Variants in PLCL1 observed in about 807,000 individuals in gnomAD.
PLCL1 encodes phospholipase C like 1 (inactive).
A neutral mutation model predicts 84.4 loss-of-function variants in PLCL1; 41 were observed. The observed-to-expected ratio is 0.49, with a 90% CI of 0.38 to 0.63. PLCL1 has a LOEUF of 0.63. Among genes scored for constraint, PLCL1 ranks in the 30% least tolerant of loss-of-function variants. The probability of loss-of-function intolerance (pLI) is 0.00; values close to 1 mark genes in which losing one functional copy is unlikely to be tolerated. For missense variants in PLCL1, 1,206 were observed against 1,367.8 expected (o/e 0.88, Z 1.87); for synonymous variants, 490 against 488.3 (o/e 1.00, Z -0.05).
At chr2:197,967,353 C>T (rs767535577) in intron 1 of PLCL1, among the ~76,000 whole-genome samples, 3 of 152,212 alleles carry the variant, frequency 2.0e-5, no homozygotes, top group South Asian at 2.1e-4. Context: ...CGTGCCACCA[C>T]GCCCAGCTAA....
At chr2:198,137,536 C>G (rs1559117818) in intron 5 of PLCL1, among the ~76,000 whole-genome samples, 2 of 152,170 alleles carry the variant, frequency 1.3e-5, no homozygotes, top group Non-Finnish European at 2.9e-5. Context: ...TTCCAGAACA[C>G]TCTCCCATAC....
At chr2:197,961,784 A>G (rs988010832) in intron 1 of PLCL1, among the ~76,000 whole-genome samples, 1 of 152,028 alleles carries the variant, frequency 6.6e-6, no homozygotes, top group South Asian at 2.1e-4. Flanking sequence ...TTTGATTTAC[A>G]GGATAGGTGA....
chr2:197,925,465 A>T (rs1216092245), intron 1 of PLCL1, among the ~76,000 whole-genome samples: 1 of 152,134 alleles, frequency 6.6e-6, no homozygotes, highest in Non-Finnish European at 1.5e-5. Flanking sequence ...TTCAGTTTCT[A>T]TTATTTGGGA....
chr2:198,067,112 C>G (rs1692340745), intron 1 of PLCL1, among the ~76,000 whole-genome samples: 1 of 150,264 alleles, frequency 6.7e-6, no homozygotes, highest in Admixed American at 6.6e-5. Flanking sequence ...ACCATGTCCT[C>G]TTTTTTGTGG....
chr2:198,137,090 A>T (rs1694271839), intron 5 of PLCL1, among the ~76,000 whole-genome samples: 1 of 152,190 alleles, frequency 6.6e-6, no homozygotes, highest in Admixed American at 6.5e-5. Context: ...GATCAAATAG[A>T]TCTATTTGAT....
chr2:197,820,798 A>G (rs1218475885), intron 1 of PLCL1, among the ~76,000 whole-genome samples: 1 of 152,156 alleles, frequency 6.6e-6, no homozygotes, highest in African/African-American at 2.4e-5. Flanking sequence ...CTGTGATTTA[A>G]GTTCTTTACC....
At chr2:197,893,084 G>A (rs1386533284) in intron 1 of PLCL1, among the ~76,000 whole-genome samples, 4 of 152,182 alleles carry the variant, frequency 2.6e-5, no homozygotes, top group African/African-American at 9.7e-5. Context: ...ACTGTATTGA[G>A]TTACAAAGCC....
chr2:197,923,941 C>CT, intron 1 of PLCL1, among the ~76,000 whole-genome samples: 1 of 151,872 alleles, frequency 6.6e-6, no homozygotes, highest in East Asian at 2.0e-4. Context: ...GGATCACTCG[C>CT]GGTTAGGGGC....
At chr2:198,044,768 T>G (rs1412708792) in intron 1 of PLCL1, among the ~76,000 whole-genome samples, 1 of 152,210 alleles carries the variant, frequency 6.6e-6, no homozygotes, top group Non-Finnish European at 1.5e-5. Context: ...TAGTCACTCT[T>G]CACCTATTTT....
At chr2:197,964,637 A>T (rs73056887) in intron 1 of PLCL1, among the ~76,000 whole-genome samples, 2,798 of 152,156 alleles carry the variant, frequency 0.018, 74 homozygotes, top group African/African-American at 0.061. Flanking sequence ...TAATGGTGGT[A>T]AAATGGGCAT....
intron 1 of PLCL1, among the ~76,000 whole-genome samples, chr2:197,883,504 T>C (rs527684936): frequency 5.3e-5 from 8 of 152,320 alleles, no homozygotes; most frequent in Admixed American, 3.9e-4. Flanking sequence ...GGAAAACTTA[T>C]TATTTTCCTA....
intron 1 of PLCL1, among the ~76,000 whole-genome samples, chr2:197,830,026 A>G (rs1691023251): frequency 6.6e-6 from 1 of 152,190 alleles, no homozygotes; most frequent in Non-Finnish European, 1.5e-5. Context: ...AAAACATCAC[A>G]TCGTAAGCCC....
At chr2:197,988,954 T>A (rs1690278100) in intron 1 of PLCL1, among the ~76,000 whole-genome samples, 1 of 152,226 alleles carries the variant, frequency 6.6e-6, no homozygotes. Flanking sequence ...AATCACTTAT[T>A]TTTTGTGAAG....
At position 198,085,244 on chromosome 2, in the gene PLCL1, A is replaced by G. The variant is rs779591334; in HGVS notation, c.1727A>G (p.Gln576Arg). The change falls in exon 2 of 6, where the codon CAG (glutamine) becomes CGG (arginine). Residue 576 changes from glutamine to arginine, a missense_variant. By Grantham distance (43) the Gln-to-Arg change is conservative. Coordinates refer to ENST00000428675, the MANE Select transcript of PLCL1 (RefSeq NM_006226.4). The surrounding 1 kb of genome is among the most constrained non-coding windows in gnomAD (Gnocchi z 5.3). ...ATGTCGGTAGATTACAATGGTGAGC[A>G]GAAGCAAATCCGACTCTGTAGGGAG... is the stretch of plus-strand genomic sequence containing the variant. ...RRMSVDYNGE[Q>R]KQIRLCRELS... 3 of 1,614,064 alleles carry G rather than the reference A, an allele frequency of 1.9e-6. No individual in the cohort carries two copies. The South Asian group carries it at 3.3e-5, about 18-fold the overall frequency.
chr2:198,077,549 G>C (rs1033109849), intron 1 of PLCL1, among the ~76,000 whole-genome samples: 4 of 152,006 alleles, frequency 2.6e-5, no homozygotes, highest in Admixed American at 6.6e-5. Flanking sequence ...CTCCTGCCCA[G>C]CCTCTAAATA....
At chr2:197,969,555 TCTAG>T (rs1342919525) in intron 1 of PLCL1, among the ~76,000 whole-genome samples, 1 of 152,208 alleles carries the variant, frequency 6.6e-6, no homozygotes, top group Non-Finnish European at 1.5e-5. Flanking sequence ...GTGTTGTAGA[TCTAG>T]CTATCTACTC....
At chr2:197,863,481 T>A (rs1687471852) in intron 1 of PLCL1, among the ~76,000 whole-genome samples, 1 of 152,152 alleles carries the variant, frequency 6.6e-6, no homozygotes, top group Admixed American at 6.6e-5. Context: ...TTTCTAGAAT[T>A]CTTGGACACA....
chr2:197,985,785 G>A (rs960129699), intron 1 of PLCL1, among the ~76,000 whole-genome samples: 3 of 152,164 alleles, frequency 2.0e-5, no homozygotes, highest in Non-Finnish European at 4.4e-5. Context: ...GCTACTCCTG[G>A]TCTAAGCTGT....
chr2:197,941,116 T>G (rs1689150813), intron 1 of PLCL1, among the ~76,000 whole-genome samples: 1 of 152,150 alleles, frequency 6.6e-6, no homozygotes, highest in Non-Finnish European at 1.5e-5. Flanking sequence ...ACTAGACATC[T>G]ATACCAATAA....
Sources: gnomAD v4.1 joint callset for allele counts (sites outside exome capture counted in the v4.1 genomes callset) on GRCh38, gnomAD v4.1.1 for gene constraint, Gnocchi (gnomAD v3.1) non-coding constraint, MANE v1.5 for transcripts, NCBI Gene and HGNC (gene_info 2026-07-23, HGNC 2026-07-21) for gene names.